The following CCSER1 variants were observed in gnomAD, a reference collection of about 807,000 sequenced individuals.
CCSER1 encodes the protein serine-rich coiled-coil domain-containing protein 1.
In CCSER1, 41 loss-of-function variants were observed where a neutral mutation model predicts 82.0. The observed-to-expected ratio is 0.50, with a 90% confidence interval of 0.39 to 0.65. CCSER1 has a LOEUF of 0.65. CCSER1 is among the 30% of genes least tolerant of loss of function. The probability of loss-of-function intolerance (pLI) is 0.00; values close to 1 mark genes in which losing one functional copy is unlikely to be tolerated. For synonymous variants in CCSER1, 414 were observed against 383.9 expected, an observed-to-expected ratio of 1.08 and a Z score of -0.92; for missense variants, 1,119 against 1,064.2, an observed-to-expected ratio of 1.05 and a Z score of -0.72.
chr4:90,271,736 T>C (rs1726309960), intron 1 of CCSER1, among the ~76,000 whole-genome samples: 2 of 148,736 alleles, frequency 1.3e-5, no homozygotes, highest in South Asian at 4.3e-4. Context: ...ATTTGCAAAC[T>C]GTCCATCTGA....
At chr4:90,359,897 G>A (rs1388955617) in intron 3 of CCSER1, among the ~76,000 whole-genome samples, 2 of 143,546 alleles carry the variant, frequency 1.4e-5, no homozygotes, top group Non-Finnish European at 3.0e-5. Context: ...ATGTGTGTGT[G>A]TATATATATA....
rs151164372 is a variant in CCSER1 at position 91,515,479 on chromosome 4, G to C, written c.2218-83093G>C. ...AGTATTTGGTTCTGTTCCTGCATTA[G>C]TTTACTTAAGATAATGGCTTCCACC... On this transcript the variant is annotated intron_variant, in intron 10 of 10. Coordinates refer to ENST00000509176, the MANE Select transcript of CCSER1 (RefSeq NM_001145065.2). Among the ~76,000 whole-genome samples the C allele has an allele frequency of 6.2e-3, 947 of 152,192 alleles. 13 individuals carry two copies. Among genetic ancestry groups the C allele is most frequent in the African/African-American group, 0.022 (906 of 41,534 alleles).
chr4:91,503,168 C>G (rs1759302586), intron 10 of CCSER1, among the ~76,000 whole-genome samples: 1 of 151,708 alleles, frequency 6.6e-6, no homozygotes, highest in Admixed American at 6.6e-5. Context: ...TGGTGAAACC[C>G]CGTCTCTATT....
chr4:90,665,847 G>A (rs146305808), intron 6 of CCSER1, among the ~76,000 whole-genome samples: 1 of 152,232 alleles, frequency 6.6e-6, no homozygotes, highest in Non-Finnish European at 1.5e-5. Flanking sequence ...AAATCTCAAA[G>A]GGCAGTCTTC....
chr4:90,150,344 G>A (rs1726588135), intron 1 of CCSER1, among the ~76,000 whole-genome samples: 1 of 151,998 alleles, frequency 6.6e-6, no homozygotes, highest in Non-Finnish European at 1.5e-5. Context: ...GACTCCCATA[G>A]TAACATCAGT....
At chr4:90,164,336 A>G (rs989920350) in intron 1 of CCSER1, among the ~76,000 whole-genome samples, 1 of 148,774 alleles carries the variant, frequency 6.7e-6, no homozygotes, top group Admixed American at 6.7e-5. Flanking sequence ...TTACATTTAT[A>G]TTTTAGAACA....
chr4:90,288,674 G>A (rs910375996), intron 1 of CCSER1, among the ~76,000 whole-genome samples: 3 of 151,886 alleles, frequency 2.0e-5, no homozygotes, highest in African/African-American at 7.2e-5. Flanking sequence ...GGACACCCCT[G>A]CCCTACATAG....
intron 10 of CCSER1, among the ~76,000 whole-genome samples, chr4:91,340,651 T>C (rs140548428): frequency 6.6e-6 from 1 of 152,332 alleles, no homozygotes; most frequent in Non-Finnish European, 1.5e-5. Flanking sequence ...CATACTTTGA[T>C]AATATATTAT....
intron 1 of CCSER1, among the ~76,000 whole-genome samples, chr4:90,130,462 A>C (rs1006695313): frequency 6.6e-6 from 1 of 152,206 alleles, no homozygotes; most frequent in African/African-American, 2.4e-5. Context: ...CATTGTGGAT[A>C]AGAAAAATAT....
At chr4:90,257,178 T>G (rs973747716) in intron 1 of CCSER1, among the ~76,000 whole-genome samples, 1 of 151,626 alleles carries the variant, frequency 6.6e-6, no homozygotes, top group Non-Finnish European at 1.5e-5. Context: ...GGAGATGGCA[T>G]AAAATATCAG....
intron 1 of CCSER1, among the ~76,000 whole-genome samples, chr4:90,302,451 A>G (rs1733336155): frequency 6.6e-6 from 1 of 152,188 alleles, no homozygotes; most frequent in Non-Finnish European, 1.5e-5. Flanking sequence ...CAGGAAGGGC[A>G]TCCCAAGCTG....
At chr4:91,119,604 G>T (rs1726916717) in intron 10 of CCSER1, among the ~76,000 whole-genome samples, 1 of 151,866 alleles carries the variant, frequency 6.6e-6, no homozygotes, top group African/African-American at 2.4e-5. Flanking sequence ...TGTAGATGTA[G>T]TCTGAGAAGT....
intron 7 of CCSER1, among the ~76,000 whole-genome samples, chr4:90,725,438 C>G (rs1580165480): frequency 6.6e-6 from 1 of 151,442 alleles, no homozygotes; most frequent in East Asian, 1.9e-4. Context: ...GAAATTAAAA[C>G]TTTCAAGTGC....
intron 9 of CCSER1, among the ~76,000 whole-genome samples, chr4:91,038,947 A>T (rs1301541239): frequency 6.6e-6 from 1 of 152,218 alleles, no homozygotes; most frequent in Non-Finnish European, 1.5e-5. Context: ...AGTGAACCCT[A>T]AACAGGCTAA....
chr4:90,996,671 T>G (rs1048309644), intron 9 of CCSER1, among the ~76,000 whole-genome samples: 2 of 152,136 alleles, frequency 1.3e-5, no homozygotes. Context: ...TTCACCTCCT[T>G]TACCATTCCC....
intron 3 of CCSER1, among the ~76,000 whole-genome samples, chr4:90,323,294 C>T (rs1737508321): frequency 1.3e-5 from 2 of 152,168 alleles, no homozygotes; most frequent in African/African-American, 4.8e-5. Context: ...TCCACTGGCT[C>T]CAAGTCCAGT....
At chr4:90,556,366 T>C (rs1778140179) in intron 5 of CCSER1, among the ~76,000 whole-genome samples, 1 of 152,140 alleles carries the variant, frequency 6.6e-6, no homozygotes, top group African/African-American at 2.4e-5. Flanking sequence ...ATATGAATTG[T>C]GGACATCAGG....
rs1380617202 is a variant in CCSER1 at position 90,468,252 on chromosome 4, A to G, written c.1622A>G (p.Tyr541Cys). 20 of 1,602,688 alleles carry G rather than the reference A, an allele frequency of 1.2e-5. No homozygotes were observed. Among genetic ancestry groups the G allele is most frequent in the Non-Finnish European group, 1.6e-5 (19 of 1,173,612 alleles). Residue 541 changes from tyrosine (Y) to cysteine (C), a missense_variant, in exon 5 of 11, where the codon TAT (tyrosine) becomes TGT (cysteine). Transcript: ENST00000509176. ...TGAACAGTTTGCCGGGAGGACTCAT[A>G]TCACTCTGTCGTCTCATGTGCCGCA... ...LHPSVCREDS[Y>C]HSVVSCAAVV... is the part of the protein sequence containing the mutation.
intron 4 of CCSER1, among the ~76,000 whole-genome samples, chr4:90,427,901 C>A (rs1223350663): frequency 6.6e-6 from 1 of 151,666 alleles, no homozygotes; most frequent in Non-Finnish European, 1.5e-5. Context: ...TTTATTATAG[C>A]CATCAGGAAC....
Sources: gnomAD v4.1 joint callset for allele counts (sites outside exome capture counted in the v4.1 genomes callset) on GRCh38, gnomAD v4.1.1 for gene constraint, MANE v1.5 for transcripts, NCBI Gene and HGNC (gene_info 2026-07-23, HGNC 2026-07-21) for gene names.